The following WASF2 variants were observed in gnomAD, a reference collection of about 807,000 sequenced individuals.
WASF2 encodes WASP family member 2.
Under a neutral mutation model 45.0 loss-of-function variants are expected in WASF2, and 14 were observed. The ratio of observed to expected loss-of-function variants is 0.31; its 90% CI spans 0.21 to 0.49. The LOEUF is 0.49. Ranked by LOEUF, WASF2 falls within the 20% of genes least tolerant of loss-of-function variation. The pLI is 0.99. For synonymous variants in WASF2, 200 were observed against 236.3 expected (o/e 0.85, Z 1.41); for missense variants, 439 against 636.1 (o/e 0.69, Z 3.33).
chr1:27,446,938 A>G (rs950967433), intron 1 of WASF2, among the ~76,000 whole-genome samples: 1 of 152,124 alleles, frequency 6.6e-6, no homozygotes, highest in Admixed American at 6.6e-5. Flanking sequence ...GTATGCTGTT[A>G]TAACATTTTC....
At chr1:27,454,854 A>C (rs2017446602) in intron 1 of WASF2, among the ~76,000 whole-genome samples, 2 of 152,124 alleles carry the variant, frequency 1.3e-5, no homozygotes, top group African/African-American at 4.8e-5. Flanking sequence ...TCTCAAGTTG[A>C]TCGACATTGG....
At chr1:27,420,119 G>C (rs546459279) in intron 2 of WASF2, among the ~76,000 whole-genome samples, 79 of 152,212 alleles carry the variant, frequency 5.2e-4, no homozygotes, top group South Asian at 3.7e-3. Flanking sequence ...TGCCCAGGCT[G>C]GTCTCAAACT....
chr1:27,408,907 C>A (rs1260244868), intron 8 of WASF2, among the ~76,000 whole-genome samples: 1 of 151,582 alleles, frequency 6.6e-6, no homozygotes, highest in Non-Finnish European at 1.5e-5. Flanking sequence ...GGGCAGGGGG[C>A]AAGGAAGGAA....
intron 1 of WASF2, among the ~76,000 whole-genome samples, chr1:27,488,403 A>G (rs932503040): frequency 4.6e-5 from 7 of 152,184 alleles, no homozygotes; most frequent in African/African-American, 1.7e-4. Context: ...CACCCAAGAA[A>G]TCCAAAGAAA....
intron 1 of WASF2, among the ~76,000 whole-genome samples, chr1:27,463,843 C>T (rs1484233902): frequency 2.7e-5 from 4 of 148,156 alleles, no homozygotes; most frequent in Non-Finnish European, 5.9e-5. Context: ...ACTCTTGTTG[C>T]CCAGGCTGGA....
intron 1 of WASF2, among the ~76,000 whole-genome samples, chr1:27,482,818 T>A (rs1453367590): frequency 6.6e-6 from 1 of 152,128 alleles, no homozygotes; most frequent in East Asian, 1.9e-4. Flanking sequence ...ACATCTATAA[T>A]CACTTTCCTC....
chr1:27,410,208 TA>T lies in WASF2; in HGVS notation c.825-3del. The stretch of plus-strand genomic sequence containing the variant: ...CCTCTTTGGTTGTCCACTGGGTAAC[TA>T]AAAGGCCAAAGAAAAAAAGACTCAC... On this transcript the variant is annotated splice_region_variant and splice_polypyrimidine_tract_variant and intron_variant, in intron 7 of 8. Coordinates refer to ENST00000618852, the MANE Select transcript of WASF2 (RefSeq NM_006990.5). The surrounding 1 kb of genome is among the most constrained non-coding windows in gnomAD (Gnocchi z 4.2). The T allele has an allele frequency of 6.2e-7, 1 of 1,613,970 alleles. No homozygotes were observed. Among genetic ancestry groups the T allele is most frequent in the South Asian group, 1.1e-5 (1 of 91,060 alleles).
At chr1:27,425,785 G>A (rs2016971255) in intron 2 of WASF2, among the ~76,000 whole-genome samples, 1 of 147,938 alleles carries the variant, frequency 6.8e-6, no homozygotes, top group Admixed American at 6.9e-5. Context: ...CTTGCAGTGA[G>A]CCGAGGTGGC....
intron 1 of WASF2, among the ~76,000 whole-genome samples, chr1:27,438,091 C>T (rs2017160908): frequency 6.6e-6 from 1 of 152,154 alleles, no homozygotes; most frequent in African/African-American, 2.4e-5. Flanking sequence ...AGGACAGATA[C>T]AAAATGCATT....
At chr1:27,444,497 C>T (rs775001563) in intron 1 of WASF2, among the ~76,000 whole-genome samples, 7 of 152,146 alleles carry the variant, frequency 4.6e-5, no homozygotes, top group African/African-American at 7.2e-5. Flanking sequence ...GAAGGAATGG[C>T]GAGTTTATAT....
At chr1:27,434,992 G>T (rs2017113546) in intron 1 of WASF2, among the ~76,000 whole-genome samples, 1 of 152,006 alleles carries the variant, frequency 6.6e-6, no homozygotes, top group South Asian at 2.1e-4. Context: ...TGTTGCCCAG[G>T]CTGGAGTACA....
At chr1:27,477,400 C>A (rs12752135) in intron 1 of WASF2, among the ~76,000 whole-genome samples, 2 of 151,960 alleles carry the variant, frequency 1.3e-5, no homozygotes, top group African/African-American at 2.4e-5. Flanking sequence ...ATTAGCTGGG[C>A]GTGTTGACAC....
intron 1 of WASF2, among the ~76,000 whole-genome samples, chr1:27,459,097 C>T (rs1242820051): frequency 2.6e-5 from 4 of 151,748 alleles, no homozygotes; most frequent in Non-Finnish European, 5.9e-5. Flanking sequence ...TTGCACTCCA[C>T]TGGGCAACAA....
chr1:27,417,836 C>T (rs1044758032), intron 4 of WASF2, among the ~76,000 whole-genome samples: 2 of 152,228 alleles, frequency 1.3e-5, no homozygotes, highest in Non-Finnish European at 2.9e-5. Context: ...GCTGGCCCCA[C>T]TAACACACCC....
intron 1 of WASF2, among the ~76,000 whole-genome samples, chr1:27,448,614 G>A (rs2017340957): frequency 6.6e-6 from 1 of 152,056 alleles, no homozygotes. Context: ...ACTTTGGGAG[G>A]CCGAGGTGGG....
intron 1 of WASF2, among the ~76,000 whole-genome samples, chr1:27,456,959 C>T (rs1041303012): frequency 6.6e-6 from 1 of 151,994 alleles, no homozygotes; most frequent in Non-Finnish European, 1.5e-5. Context: ...CCAGGCTGGT[C>T]TCAAACTCCT....
intron 1 of WASF2, among the ~76,000 whole-genome samples, chr1:27,437,765 A>C (rs2017156313): frequency 6.6e-6 from 1 of 152,224 alleles, no homozygotes; most frequent in South Asian, 2.1e-4. Flanking sequence ...AAATGGAGAA[A>C]TCTTACCCTT....
intron 2 of WASF2, among the ~76,000 whole-genome samples, chr1:27,421,134 T>G (rs1472635248): frequency 6.6e-6 from 1 of 152,198 alleles, no homozygotes; most frequent in Non-Finnish European, 1.5e-5. Flanking sequence ...AGTCCTTGCA[T>G]ATTGATCGTT....
At chr1:27,473,410 T>C (rs552209943) in intron 1 of WASF2, among the ~76,000 whole-genome samples, 5 of 138,118 alleles carry the variant, frequency 3.6e-5, no homozygotes, top group Admixed American at 2.4e-4. Flanking sequence ...ACTGCACCAC[T>C]GCACTCCACC....
Sources: allele counts gnomAD v4.1 joint callset (sites outside exome capture counted in the v4.1 genomes callset), GRCh38; gene constraint gnomAD v4.1.1; non-coding constraint Gnocchi (gnomAD v3.1); transcripts MANE v1.5; gene names NCBI Gene and HGNC (gene_info 2026-07-23, HGNC 2026-07-21).